The following TMEM135 variants were observed in gnomAD, a reference collection of about 807,000 sequenced individuals.
TMEM135 encodes peroxisomal membrane protein 52.
A neutral mutation model predicts 60.3 loss-of-function variants in TMEM135; 30 were observed. The ratio of observed to expected loss-of-function variants is 0.50; its 90% CI spans 0.37 to 0.68. The LOEUF (loss-of-function observed/expected upper bound fraction) is 0.68. TMEM135 is among the 30% of genes least tolerant of loss of function. The probability of loss-of-function intolerance (pLI) is 0.00; values close to 1 mark genes in which losing one functional copy is unlikely to be tolerated. For synonymous variants in TMEM135, 190 were observed against 186.7 expected (o/e 1.02, Z -0.14); for missense variants, 468 against 548.8 (o/e 0.85, Z 1.47).
intron 4 of TMEM135, among the ~76,000 whole-genome samples, chr11:87,115,232 A>G (rs1003543945): frequency 2.0e-5 from 3 of 152,180 alleles, no homozygotes; most frequent in Non-Finnish European, 4.4e-5. Flanking sequence ...TTAAAAAACT[A>G]TGTCATAATG....
At chr11:87,155,463 G>C (rs1372444771) in intron 4 of TMEM135, among the ~76,000 whole-genome samples, 1 of 152,274 alleles carries the variant, frequency 6.6e-6, no homozygotes, top group East Asian at 1.9e-4. Context: ...GTATATGGTA[G>C]AGGTAAAGGT....
intron 6 of TMEM135, among the ~76,000 whole-genome samples, chr11:87,249,249 T>C (rs1454765135): frequency 6.6e-6 from 1 of 152,184 alleles, no homozygotes; most frequent in East Asian, 1.9e-4. Flanking sequence ...ACTGCTATTA[T>C]GTGGAAGTAT....
chr11:87,246,243 C>G (rs1459075005), intron 6 of TMEM135, among the ~76,000 whole-genome samples: 2 of 149,636 alleles, frequency 1.3e-5, no homozygotes, highest in East Asian at 1.9e-4. Flanking sequence ...ATGGGCTTCC[C>G]TTTGTGGGTA....
intron 9 of TMEM135, among the ~76,000 whole-genome samples, chr11:87,306,707 G>C (rs1361759216): frequency 6.6e-6 from 1 of 151,996 alleles, no homozygotes; most frequent in Non-Finnish European, 1.5e-5. Context: ...CCTGCTGCAA[G>C]TTCTTTAGTT....
chr11:87,079,432 T>C (rs747146218), intron 3 of TMEM135, among the ~76,000 whole-genome samples: 1 of 152,248 alleles, frequency 6.6e-6, no homozygotes, highest in Non-Finnish European at 1.5e-5. Flanking sequence ...TCCACATTTG[T>C]TAATATGACA....
intron 6 of TMEM135, among the ~76,000 whole-genome samples, chr11:87,289,538 C>T (rs1942229513): frequency 6.9e-6 from 1 of 144,684 alleles, no homozygotes. Flanking sequence ...CTCACTGCAA[C>T]CTCCATCTCC....
At chr11:87,257,154 A>G (rs1941542550) in intron 6 of TMEM135, among the ~76,000 whole-genome samples, 1 of 152,154 alleles carries the variant, frequency 6.6e-6, no homozygotes, top group Non-Finnish European at 1.5e-5. Flanking sequence ...CCTCTTTTGC[A>G]TGCTGTCTGC....
chr11:87,314,382 T>C (rs759354682), intron 11 of TMEM135, 89 bp from the exon 12 acceptor site: 48 of 1,120,292 alleles, frequency 4.3e-5, no homozygotes, highest in Non-Finnish European at 5.7e-5. Context: ...ATAGTGCTGA[T>C]TCTATGTAAG....
At chr11:87,107,414 C>T (rs1419814488) in intron 4 of TMEM135, among the ~76,000 whole-genome samples, 1 of 143,234 alleles carries the variant, frequency 7.0e-6, no homozygotes, top group African/African-American at 2.6e-5. Context: ...TCCATCCCCC[C>T]TCCCCCCACC....
intron 4 of TMEM135, among the ~76,000 whole-genome samples, chr11:87,143,989 C>G (rs946015985): frequency 1.3e-5 from 2 of 152,044 alleles, no homozygotes; most frequent in African/African-American, 4.8e-5. Flanking sequence ...GTTTTAAATA[C>G]TTTTGTCCAG....
chr11:87,266,433 A>G lies in TMEM135; in HGVS notation c.510-29349A>G, dbSNP rs889865367. ...AGTTTGTTTGAATATATATGTATGT[A>G]TATATAGCAGAATGTAGCTGACTTG... is the stretch of plus-strand genomic sequence containing the variant. On this transcript the variant is annotated intron_variant, in intron 6 of 14. Transcript: ENST00000305494. Among the ~76,000 whole-genome samples, 5 of 152,182 alleles carry G rather than the reference A, an allele frequency of 3.3e-5. No individual in the cohort carries two copies. In the East Asian group the frequency reaches 9.6e-4, roughly 29 times the overall value.
intron 10 of TMEM135, among the ~76,000 whole-genome samples, chr11:87,312,489 G>A (rs549264143): frequency 2.4e-4 from 37 of 151,774 alleles, no homozygotes; most frequent in African/African-American, 8.4e-4. Context: ...TTAGATCAGA[G>A]GTCAACACAC....
chr11:87,117,163 A>T (rs1857910132), intron 4 of TMEM135, among the ~76,000 whole-genome samples: 1 of 152,208 alleles, frequency 6.6e-6, no homozygotes, highest in Admixed American at 6.5e-5. Flanking sequence ...TAATTAAAAA[A>T]AACTTATAGC....
At chr11:87,046,104 T>C (rs1201288232) in intron 1 of TMEM135, among the ~76,000 whole-genome samples, 1 of 152,204 alleles carries the variant, frequency 6.6e-6, no homozygotes, top group East Asian at 1.9e-4. Context: ...ATATAACTAT[T>C]AGATTAACAG....
At chr11:87,268,111 GC>G (rs1225926969) in intron 6 of TMEM135, among the ~76,000 whole-genome samples, 2 of 147,780 alleles carry the variant, frequency 1.4e-5, no homozygotes, top group Non-Finnish European at 3.0e-5. Context: ...TTTTTGCCCG[GC>G]CCTCCCCTTC....
intron 1 of TMEM135, among the ~76,000 whole-genome samples, chr11:87,064,108 T>C (rs1856598434): frequency 6.6e-6 from 1 of 152,216 alleles, no homozygotes; most frequent in African/African-American, 2.4e-5. Flanking sequence ...ATCCTAAAGC[T>C]GTGTGAGAAT....
rs371269450 is a variant in TMEM135, at chr11:87,250,316, C to T, written c.509+13632C>T. Among the ~76,000 whole-genome samples the T allele has an allele frequency of 6.7e-4, 101 of 151,860 alleles. 1 individual carries two copies. The South Asian group carries it at 0.021, about 31-fold the overall frequency. ...TTTTATTCTATTTTGATATTATTTTCTTCTGCTAATTTTGGGCTTGGTTTG... is the reference window on the plus strand; with the variant it reads ...TTTTATTCTATTTTGATATTATTTTTTTCTGCTAATTTTGGGCTTGGTTTG... On this transcript the variant is annotated intron_variant, in intron 6 of 14. Coordinates refer to ENST00000305494, the MANE Select transcript of TMEM135 (RefSeq NM_022918.4).
At chr11:87,046,578 C>G (rs1482011114) in intron 1 of TMEM135, among the ~76,000 whole-genome samples, 1 of 152,068 alleles carries the variant, frequency 6.6e-6, no homozygotes, top group East Asian at 1.9e-4. Context: ...GTTTTAATTA[C>G]CAGTGCGGTA....
chr11:87,152,686 G>T (rs11234993), intron 4 of TMEM135, among the ~76,000 whole-genome samples: 1 of 152,268 alleles, frequency 6.6e-6, no homozygotes, highest in South Asian at 2.1e-4. Context: ...CGCCCCACCC[G>T]CCTCGGCCTC....
Sources: allele counts gnomAD v4.1 joint callset (sites outside exome capture counted in the v4.1 genomes callset), GRCh38; gene constraint gnomAD v4.1.1; transcripts MANE v1.5; gene names NCBI Gene and HGNC (gene_info 2026-07-23, HGNC 2026-07-21).